The following PREP variants were observed in gnomAD, a reference collection of about 807,000 sequenced individuals.
PREP encodes prolyl endopeptidase.
In PREP, 29 loss-of-function variants were observed where a neutral mutation model predicts 87.6. The observed-to-expected ratio is 0.33, with a 90% CI of 0.25 to 0.45. PREP has a LOEUF of 0.45. PREP is among the 20% of genes least tolerant of loss of function. The probability of loss-of-function intolerance (pLI) is 1.00; values close to 1 mark genes in which losing one functional copy is unlikely to be tolerated. For synonymous variants in PREP, 337 were observed against 328.6 expected (o/e 1.03, Z -0.28); for missense variants, 695 against 886.5 (o/e 0.78, Z 2.74).
intron 5 of PREP, among the ~76,000 whole-genome samples, chr6:105,370,292 GACTCCATCTCAAA>G (rs1258729012): frequency 8.8e-6 from 1 of 113,956 alleles, no homozygotes; most frequent in Non-Finnish European, 1.7e-5. Context: ...GACAGAGTGA[GACTCCATCTCAAA>G]AAAAAAAAAA....
chr6:105,344,020 G>A (rs1771732861), intron 7 of PREP, among the ~76,000 whole-genome samples: 1 of 152,120 alleles, frequency 6.6e-6, no homozygotes, highest in Non-Finnish European at 1.5e-5. Flanking sequence ...CCCATTACTG[G>A]GTATATACCC....
chr6:105,301,742 T>C (rs1459478457), intron 10 of PREP, among the ~76,000 whole-genome samples: 2 of 152,236 alleles, frequency 1.3e-5, no homozygotes, highest in African/African-American at 4.8e-5. Context: ...AGTCAGTCTA[T>C]TTAAAATCTG....
chr6:105,372,573 A>G (rs1241594578), intron 5 of PREP, among the ~76,000 whole-genome samples: 2 of 152,220 alleles, frequency 1.3e-5, no homozygotes, highest in Non-Finnish European at 2.9e-5. Flanking sequence ...CTTGAACACA[A>G]CAGGATCTTT....
chr6:105,362,199 G>C (rs968265330), intron 6 of PREP, among the ~76,000 whole-genome samples: 14 of 152,200 alleles, frequency 9.2e-5, no homozygotes, highest in African/African-American at 3.4e-4. Context: ...GGTGGCTCAA[G>C]CCTGTAATCC....
rs147125411 is a variant in PREP, at chr6:105,367,385, G to A, written c.717+1518C>T. On this transcript the variant is annotated intron_variant, in intron 6 of 14. Coordinates refer to ENST00000652536, the MANE Select transcript of PREP (RefSeq NM_002726.5). ...AGCAATTGCACAAGAAAAGCTGGTA[G>A]AGTGGGAAGTTAGATGGGAAAGAAA... Among the ~76,000 whole-genome samples, 514 of 152,276 alleles carry A rather than the reference G, an allele frequency of 3.4e-3. 1 individual carries two copies. The highest frequency in any genetic ancestry group is 0.024 in the Middle Eastern group (7 of 294).
rs527608153 is a variant in PREP at position 105,285,329 on chromosome 6, G to T, written c.1549+157C>A. On this transcript the variant is annotated intron_variant, in intron 12 of 14. Coordinates refer to ENST00000652536, the MANE Select transcript of PREP (RefSeq NM_002726.5). ...GAAAAGTGAGTTGTTTTTAAGGGGG[G>T]AGTGGTGCCTGTGTCTGATAATATC... is the stretch of plus-strand genomic sequence containing the variant. Among the ~76,000 whole-genome samples the T allele has an allele frequency of 1.2e-4, 19 of 152,274 alleles. 1 individual carries two copies. The East Asian group carries it at 2.5e-3, about 20-fold the overall frequency.
At chr6:105,335,096 C>T (rs920731034) in intron 7 of PREP, among the ~76,000 whole-genome samples, 12 of 152,252 alleles carry the variant, frequency 7.9e-5, no homozygotes, top group Non-Finnish European at 5.9e-5. Flanking sequence ...TCAATACGTC[C>T]GTATCATCAA....
intron 6 of PREP, among the ~76,000 whole-genome samples, chr6:105,356,385 A>G (rs2114688384): frequency 6.6e-6 from 1 of 152,274 alleles, no homozygotes; most frequent in East Asian, 1.9e-4. Context: ...AACCTTTGGG[A>G]GTTGTCAGCT....
At chr6:105,390,445 C>T (rs1484718154) in intron 2 of PREP, among the ~76,000 whole-genome samples, 1 of 152,214 alleles carries the variant, frequency 6.6e-6, no homozygotes, top group Non-Finnish European at 1.5e-5. Context: ...CAGGGCGGCA[C>T]TCAGGGAGAA....
At chr6:105,368,804 A>C in intron 6 of PREP, 99 bp downstream of exon 6, 1 of 1,380,860 alleles carries the variant, frequency 7.2e-7, no homozygotes, top group Non-Finnish European at 9.9e-7. Flanking sequence ...CACTCATGGG[A>C]CTTCTGCCAT....
At chr6:105,289,402 AT>A (rs1770250361) in intron 10 of PREP, among the ~76,000 whole-genome samples, 1 of 152,188 alleles carries the variant, frequency 6.6e-6, no homozygotes, top group African/African-American at 2.4e-5. Flanking sequence ...TCAAGACGTC[AT>A]TTTTCTATGC....
At chr6:105,364,814 T>C (rs533193588) in intron 6 of PREP, among the ~76,000 whole-genome samples, 1 of 152,342 alleles carries the variant, frequency 6.6e-6, no homozygotes, top group South Asian at 2.1e-4. Context: ...ACTCTAACAC[T>C]GGCTCTCTCA....
intron 6 of PREP, among the ~76,000 whole-genome samples, chr6:105,355,057 GAGT>G (rs1246694190): frequency 6.6e-6 from 1 of 151,196 alleles, no homozygotes; most frequent in East Asian, 1.9e-4. Flanking sequence ...GAACAGGTCT[GAGT>G]AAGGGAGACA....
chr6:105,303,410 C>T, intron 10 of PREP, among the ~76,000 whole-genome samples: 1 of 152,112 alleles, frequency 6.6e-6, no homozygotes, highest in Non-Finnish European at 1.5e-5. Context: ...CCTTCAACTT[C>T]TCTCAGTTCT....
At chr6:105,352,867 T>G in intron 7 of PREP, 105 bp downstream of exon 7, 1 of 952,710 alleles carries the variant, frequency 1.0e-6, no homozygotes, top group Non-Finnish European at 1.6e-6. Flanking sequence ...TGACATGATG[T>G]GGTAGAATGG....
intron 10 of PREP, chr6:105,323,025 C>T (rs1671399781): frequency 3.1e-6 from 4 of 1,303,878 alleles, no homozygotes; most frequent in Non-Finnish European, 4.0e-6. Flanking sequence ...TATTGGTGAC[C>T]TCTCATTGCA....
intron 10 of PREP, chr6:105,302,568 C>T (rs573730744): frequency 5.1e-6 from 2 of 393,950 alleles, no homozygotes; most frequent in South Asian, 2.2e-5. Flanking sequence ...CATGTTTTCT[C>T]AGGCCGCAGG....
chr6:105,342,515 G>A (rs2114670885), intron 7 of PREP, among the ~76,000 whole-genome samples: 1 of 152,286 alleles, frequency 6.6e-6, no homozygotes, highest in South Asian at 2.1e-4. Flanking sequence ...TCAACATAGT[G>A]TTGGAAGTTC....
chr6:105,337,136 T>C (rs1216731034), intron 7 of PREP, among the ~76,000 whole-genome samples: 3 of 152,214 alleles, frequency 2.0e-5, no homozygotes, highest in Non-Finnish European at 4.4e-5. Context: ...ACTAGGAATC[T>C]GATCATTTGA....
Sources: gnomAD v4.1 joint callset for allele counts (sites outside exome capture counted in the v4.1 genomes callset) on GRCh38, gnomAD v4.1.1 for gene constraint, MANE v1.5 for transcripts, NCBI Gene and HGNC (gene_info 2026-07-23, HGNC 2026-07-21) for gene names.